Variants in FAM193A observed in about 807,000 individuals in gnomAD.
FAM193A encodes family with sequence similarity 193 member A.
In FAM193A, 22 loss-of-function variants were observed where a neutral mutation model predicts 126.5. That is an observed-to-expected ratio of 0.17 (90% CI 0.12 to 0.25). The LOEUF (loss-of-function observed/expected upper bound fraction) is 0.25. FAM193A is among the 10% of genes least tolerant of loss of function. FAM193A has a pLI of 1.00. For missense variants in FAM193A, 1,675 were observed against 1,672.8 expected, an observed-to-expected ratio of 1.00 and a Z score of -0.02; for synonymous variants, 761 against 646.8, an observed-to-expected ratio of 1.18 and a Z score of -2.68.
chr4:2,539,415 C>A (rs1264401445), intron 1 of FAM193A, among the ~76,000 whole-genome samples: 2 of 152,034 alleles, frequency 1.3e-5, no homozygotes, highest in African/African-American at 4.8e-5. Context: ...AACTAGTATG[C>A]ATCAGGGTTT....
Position 2,631,067 on chromosome 4 carries a change from G to T in FAM193A, c.936G>T (p.Leu312=), listed in dbSNP as rs376773733. Residue 312 remains leucine, a synonymous_variant, in exon 5 of 21, where the codon CTG becomes CTT. Transcript: ENST00000637812. ...AAAKVKAPSG[L]QGPPQAHQFI... is the part of the protein sequence containing the mutation. ...CCAAGGTGAAGGCACCATCTGGCCTGCAGGGCCCGCCGCAAGCGCACCAGT... is the reference window on the plus strand; with the variant it reads ...CCAAGGTGAAGGCACCATCTGGCCTTCAGGGCCCGCCGCAAGCGCACCAGT... The T allele has an allele frequency of 9.3e-6, 15 of 1,613,320 alleles. 1 individual carries two copies. In the African/African-American group the frequency reaches 1.3e-4, roughly 14 times the overall value.
At chr4:2,611,843 T>C (rs1414111840) in intron 2 of FAM193A, among the ~76,000 whole-genome samples, 5 of 151,588 alleles carry the variant, frequency 3.3e-5, no homozygotes, top group African/African-American at 1.2e-4. Flanking sequence ...AATCCATTTT[T>C]TTTTTTTTTT....
chr4:2,673,856 T>C (rs1413514689), intron 13 of FAM193A, among the ~76,000 whole-genome samples: 5 of 152,216 alleles, frequency 3.3e-5, no homozygotes, highest in African/African-American at 9.6e-5. Context: ...GGTTAAAAAT[T>C]GATTATTTTC....
In FAM193A at chr4:2,690,983, G is replaced by A. The variant is rs1266565316; in HGVS notation, c.2803+13G>A. 3 of 1,604,756 alleles carry A rather than the reference G, an allele frequency of 1.9e-6. No homozygotes were observed. Among genetic ancestry groups the A allele is most frequent in the Non-Finnish European group, 2.6e-6 (3 of 1,174,008 alleles). On this transcript the variant is annotated intron_variant, in intron 15 of 20. Transcript: ENST00000637812. The stretch of plus-strand genomic sequence containing the variant: ...CCTCCTTCAGTAGGTAAGGCTTGAA[G>A]GCTCACTGGCCCTCGGGGTCTGCAG...
rs144422719 is a variant in FAM193A at position 2,708,133 on chromosome 4, T to A, written c.4372+7589T>A. 636 of 448,914 alleles carry A rather than the reference T, an allele frequency of 1.4e-3. 2 individuals carry two copies. The highest frequency in any genetic ancestry group is 7.7e-3 in the African/African-American group (379 of 49,498). The allele number at this position is 448,914 out of a possible 1,614,324, so 27.8% of individuals were successfully genotyped here. On this transcript the variant is annotated intron_variant, in intron 19 of 20. Coordinates refer to ENST00000637812, the MANE Select transcript of FAM193A (RefSeq NM_001366318.2). The stretch of plus-strand genomic sequence containing the variant: ...AGCTATTGATTTTTGTTTGTTTGTT[T>A]GTTTATTTCGAGATGGAGTTTCGCT...
At chr4:2,617,239 AT>A (rs1370769214) in intron 2 of FAM193A, among the ~76,000 whole-genome samples, 1 of 41,384 alleles carries the variant, frequency 2.4e-5, no homozygotes, top group African/African-American at 2.2e-4. Context: ...GTATGTTTTT[AT>A]TATATATATA....
chr4:2,682,268 G>A (rs1185808334), intron 13 of FAM193A, among the ~76,000 whole-genome samples: 1 of 152,116 alleles, frequency 6.6e-6, no homozygotes, highest in Non-Finnish European at 1.5e-5. Context: ...ACAGGCGCGA[G>A]CCACCTTCTC....
chr4:2,550,525 C>A (rs946951074), intron 1 of FAM193A, among the ~76,000 whole-genome samples: 1 of 151,926 alleles, frequency 6.6e-6, no homozygotes, highest in Non-Finnish European at 1.5e-5. Context: ...CAACCTCTGC[C>A]TCCCGGGTTC....
At chr4:2,540,757 T>C (rs1010643862) in intron 1 of FAM193A, among the ~76,000 whole-genome samples, 1 of 151,922 alleles carries the variant, frequency 6.6e-6, no homozygotes, top group African/African-American at 2.4e-5. Flanking sequence ...GGTTAGGAGT[T>C]CCAGACCAGC....
At chr4:2,649,820 C>T (rs1006964003) in intron 7 of FAM193A, among the ~76,000 whole-genome samples, 3 of 152,196 alleles carry the variant, frequency 2.0e-5, no homozygotes, top group Admixed American at 6.5e-5. Context: ...CTGTTAGGAA[C>T]CAGGCTGCAC....
At position 2,646,784 on chromosome 4, in the gene FAM193A, G is replaced by A; in HGVS notation, c.1263G>A (p.Glu421=). 2 of 1,614,014 alleles carry A rather than the reference G, an allele frequency of 1.2e-6. No homozygotes were observed. Among genetic ancestry groups the A allele is most frequent in the Non-Finnish European group, 1.7e-6 (2 of 1,179,950 alleles). The part of the protein sequence containing the change: ...RSEEELRRVA[E]EWLECQKRID... ...AGGAGGAGCTGCGCAGAGTCGCCGA[G>A]GAGTGGCTGGAGTGCCAGAAGAGGA... The change falls in exon 7 of 21, where the codon GAG becomes GAA. Residue 421 remains glutamate, a synonymous_variant. Coordinates refer to ENST00000637812, the MANE Select transcript of FAM193A (RefSeq NM_001366318.2).
rs528073643 is a variant in FAM193A, at chr4:2,718,194, T to C, written c.4454+2090T>C. Among the ~76,000 whole-genome samples, 25 of 151,162 alleles carry C rather than the reference T, an allele frequency of 1.7e-4. No individual in the cohort carries two copies. The South Asian group carries it at 2.5e-3, about 15-fold the overall frequency. ...GAAGGAGATAAGAGAGATAATGAAA[T>C]AGAAAACAAAGATTTGGTAGAGAAG... On this transcript the variant is annotated intron_variant, in intron 20 of 20. Transcript: ENST00000637812.
At chr4:2,696,164 GAGT>G (rs1263888784) in intron 17 of FAM193A, 196 bp from the exon 18 acceptor site, 2 of 518,862 alleles carry the variant, frequency 3.9e-6, no homozygotes, top group African/African-American at 3.8e-5. Flanking sequence ...TAAAATTTGA[GAGT>G]AGGTATCAAA....
chr4:2,626,142 T>C (rs1249929706), intron 3 of FAM193A, among the ~76,000 whole-genome samples: 1 of 152,114 alleles, frequency 6.6e-6, no homozygotes, highest in Admixed American at 6.6e-5. Context: ...GAAGGCCAGG[T>C]CAGCAGTGGG....
intron 7 of FAM193A, among the ~76,000 whole-genome samples, chr4:2,649,374 G>GAAA (rs35548308): frequency 4.2e-5 from 4 of 94,368 alleles, no homozygotes; most frequent in African/African-American, 7.0e-5. Context: ...GACCCTGTCT[G>GAAA]AAAAAAAAAA....
Position 2,646,845 on chromosome 4 carries a change from C to G in FAM193A, c.1311+13C>G, listed in dbSNP as rs369069300. 29 of 1,606,720 alleles carry G rather than the reference C, an allele frequency of 1.8e-5. No individual in the cohort carries two copies. The African/African-American group carries it at 3.6e-4, about 20-fold the overall frequency. On this transcript the variant is annotated intron_variant, in intron 7 of 20. Transcript: ENST00000637812. ...TGTCGACGAGCAGGTGAGTGCCACCCGGGACCACCGCACCCCGCGCACATC... is the reference window on the plus strand; with the variant it reads ...TGTCGACGAGCAGGTGAGTGCCACCGGGGACCACCGCACCCCGCGCACATC...
chr4:2,647,867 T>C (rs1334119515), intron 7 of FAM193A, among the ~76,000 whole-genome samples: 2 of 152,148 alleles, frequency 1.3e-5, no homozygotes, highest in Non-Finnish European at 2.9e-5. Flanking sequence ...GCCTAAGACA[T>C]GTGCTGGTTC....
At chr4:2,684,500 G>A (rs182731553) in intron 13 of FAM193A, among the ~76,000 whole-genome samples, 110 of 151,232 alleles carry the variant, frequency 7.3e-4, no homozygotes, top group Middle Eastern at 3.4e-3. Flanking sequence ...ATCCAGATTC[G>A]TTTTCTGCTG....
chr4:2,637,288 C>T (rs1375564364), intron 5 of FAM193A, among the ~76,000 whole-genome samples: 1 of 152,194 alleles, frequency 6.6e-6, no homozygotes, highest in African/African-American at 2.4e-5. Context: ...GATTACACCA[C>T]TGCACTCCAG....
Sources: allele counts gnomAD v4.1 joint callset (sites outside exome capture counted in the v4.1 genomes callset), GRCh38; gene constraint gnomAD v4.1.1; transcripts MANE v1.5; gene names NCBI Gene and HGNC (gene_info 2026-07-23, HGNC 2026-07-21).